The following GRID1 variants were observed in gnomAD, a reference collection of about 807,000 sequenced individuals.
The protein encoded by GRID1 is glutamate ionotropic receptor delta type subunit 1.
Under a neutral mutation model 98.0 loss-of-function variants are expected in GRID1, and 28 were observed. That is an observed-to-expected ratio of 0.29 (90% CI 0.21 to 0.39). GRID1 has a LOEUF of 0.39. Among genes scored for constraint, GRID1 ranks in the 10% least tolerant of loss-of-function variants. The probability of loss-of-function intolerance (pLI) is 1.00; values close to 1 mark genes in which losing one functional copy is unlikely to be tolerated. For synonymous variants in GRID1, 553 were observed against 538.5 expected (o/e 1.03, Z -0.37); for missense variants, 1,111 against 1,340.5 (o/e 0.83, Z 2.67).
intron 12 of GRID1, among the ~76,000 whole-genome samples, chr10:85,718,150 C>T: frequency 6.6e-6 from 1 of 152,238 alleles, no homozygotes; most frequent in Non-Finnish European, 1.5e-5. Flanking sequence ...GATGGTGGCC[C>T]TCTTCTCACA....
At chr10:86,334,758 C>T (rs1353520059) in intron 2 of GRID1, among the ~76,000 whole-genome samples, 1 of 152,216 alleles carries the variant, frequency 6.6e-6, no homozygotes, top group East Asian at 1.9e-4. Flanking sequence ...GAAACCGAGG[C>T]TCCCTGATAA....
At chr10:85,803,801 T>C (rs1842598018) in intron 8 of GRID1, among the ~76,000 whole-genome samples, 1 of 152,032 alleles carries the variant, frequency 6.6e-6, no homozygotes. Context: ...GTCAATGGGG[T>C]ATCCATCACC....
At chr10:86,225,602 A>G (rs1846328995) in intron 2 of GRID1, among the ~76,000 whole-genome samples, 1 of 152,158 alleles carries the variant, frequency 6.6e-6, no homozygotes, top group Admixed American at 6.5e-5. Context: ...CCACCTAGAC[A>G]TGAAAGACAG....
chr10:86,366,269 T>G lies in GRID1; in HGVS notation c.79+45A>C. On this transcript the variant is annotated intron_variant, in intron 1 of 15. Transcript: ENST00000327946. This position sits in a 1 kb window ranked among gnomAD's most constrained non-coding sequence, Gnocchi z 4.1. ...TGGACGCCGCGCACCCCCTGCCCCG[T>G]TGGGGCCCCCGCCCAGCCTCGGCCC... 1.7e-5 allele frequency: 24 copies of G among 1,372,436 alleles called. No homozygotes were observed. Among genetic ancestry groups the G allele is most frequent in the African/African-American group, 4.6e-5 (3 of 65,276 alleles). 85.0% of individuals were successfully genotyped at this position (1,372,436 alleles called of 1,614,324 possible).
At chr10:85,839,830 G>A (rs952945332) in intron 8 of GRID1, among the ~76,000 whole-genome samples, 5 of 151,444 alleles carry the variant, frequency 3.3e-5, no homozygotes, top group African/African-American at 1.2e-4. Flanking sequence ...CTGGTTTTGT[G>A]AAAAAAATAA....
At chr10:85,841,259 G>A (rs1229972323) in intron 8 of GRID1, among the ~76,000 whole-genome samples, 1 of 152,108 alleles carries the variant, frequency 6.6e-6, no homozygotes, top group Non-Finnish European at 1.5e-5. Flanking sequence ...TTCAATAAAT[G>A]GTGCTGGAAT....
chr10:86,178,743 T>C (rs1395263148), intron 3 of GRID1, among the ~76,000 whole-genome samples: 1 of 152,122 alleles, frequency 6.6e-6, no homozygotes, highest in Non-Finnish European at 1.5e-5. Context: ...GGCTCTGATT[T>C]CACTCCCCTC....
At chr10:86,284,109 C>T (rs1048774027) in intron 2 of GRID1, among the ~76,000 whole-genome samples, 25 of 151,098 alleles carry the variant, frequency 1.7e-4, no homozygotes, top group South Asian at 8.5e-4. Context: ...TGCCCTCATA[C>T]GCCTGCATAT....
intron 12 of GRID1, among the ~76,000 whole-genome samples, chr10:85,721,805 A>T (rs1841705769): frequency 6.6e-6 from 1 of 152,228 alleles, no homozygotes; most frequent in Non-Finnish European, 1.5e-5. Flanking sequence ...ACACAAGTTT[A>T]TAAGTGATAA....
At chr10:85,687,900 G>C (rs1841287774) in intron 12 of GRID1, among the ~76,000 whole-genome samples, 1 of 152,194 alleles carries the variant, frequency 6.6e-6, no homozygotes, top group Non-Finnish European at 1.5e-5. Flanking sequence ...TTCACTGAGA[G>C]TGAAATGACT....
rs867851744 is a variant in GRID1, at chr10:85,724,511, C to T, written c.1699G>A (p.Ala567Thr). 10 of 1,614,070 alleles carry T rather than the reference C, an allele frequency of 6.2e-6. No individual in the cohort carries two copies. In the Admixed American group the frequency reaches 1.7e-4, roughly 27 times the overall value. ...LFAPFDFAVW[A>T]CIAAAIPVVG... ...ACAGGGATGGCTGCTGCAATGCAGG[C>T]CCACACAGCGAAATCAAATGGAGCA... Residue 567 changes from alanine to threonine, a missense_variant, in exon 11 of 16, where the codon GCC (alanine) becomes ACC (threonine). Physicochemically the swap from Ala to Thr is moderately conservative, Grantham distance 58. Around this residue, in one of 3 missense-constraint regions of GRID1, gnomAD observed 762 missense variants for 869.1 expected, o/e 0.88. Transcript: ENST00000327946.
intron 8 of GRID1, among the ~76,000 whole-genome samples, chr10:85,845,869 AAG>A (rs1843000712): frequency 6.6e-6 from 1 of 152,224 alleles, no homozygotes; most frequent in South Asian, 2.1e-4. Flanking sequence ...TACGATACAA[AAG>A]AGTATGGAAC....
intron 4 of GRID1, among the ~76,000 whole-genome samples, chr10:86,112,353 C>T (rs1844501649): frequency 6.6e-6 from 1 of 152,178 alleles, no homozygotes; most frequent in Admixed American, 6.5e-5. Flanking sequence ...CTCAAGTGAA[C>T]ATCTGTTTTT....
intron 4 of GRID1, among the ~76,000 whole-genome samples, chr10:85,924,025 G>A (rs1409810255): frequency 1.3e-5 from 2 of 152,274 alleles, no homozygotes; most frequent in Admixed American, 1.3e-4. Flanking sequence ...AGCTCCTGGA[G>A]GCCAAAGCCT....
intron 3 of GRID1, among the ~76,000 whole-genome samples, chr10:86,203,735 T>C (rs1845987315): frequency 6.6e-6 from 1 of 151,848 alleles, no homozygotes; most frequent in Admixed American, 6.6e-5. Context: ...CGCTGTCTTC[T>C]GACTGAGAAC....
chr10:85,982,549 G>A (rs1475905778), intron 4 of GRID1, among the ~76,000 whole-genome samples: 4 of 152,180 alleles, frequency 2.6e-5, no homozygotes, highest in African/African-American at 9.7e-5. Flanking sequence ...AGTATTGCAG[G>A]GGAGGAGGTG....
intron 1 of GRID1, 102 bp from the exon 2 acceptor site, chr10:86,364,198 G>A: frequency 1.1e-6 from 1 of 939,520 alleles, no homozygotes; most frequent in Non-Finnish European, 1.6e-6. Flanking sequence ...ATTGCCGGGT[G>A]GTGGGAAGTC....
chr10:85,998,758 G>A (rs1842769280), intron 4 of GRID1, among the ~76,000 whole-genome samples: 1 of 151,698 alleles, frequency 6.6e-6, no homozygotes, highest in South Asian at 2.1e-4. Flanking sequence ...ACCTAACAAA[G>A]AAAAGAGAAA....
chr10:85,660,825 G>A (rs1840957535), intron 12 of GRID1, among the ~76,000 whole-genome samples: 1 of 152,088 alleles, frequency 6.6e-6, no homozygotes, highest in Non-Finnish European at 1.5e-5. Flanking sequence ...GGCAGGGAAG[G>A]AGTTCAGAAC....
Sources: allele counts gnomAD v4.1 joint callset (sites outside exome capture counted in the v4.1 genomes callset), GRCh38; gene constraint gnomAD v4.1.1; regional missense constraint gnomAD v4.1.1; non-coding constraint Gnocchi (gnomAD v3.1); transcripts MANE v1.5; gene names NCBI Gene and HGNC (gene_info 2026-07-23, HGNC 2026-07-21).